Variants in CARMIL1 observed in about 807,000 individuals in gnomAD.
CARMIL1 encodes the protein F-actin-uncapping protein LRRC16A.
A neutral mutation model predicts 177.1 loss-of-function variants in CARMIL1; 90 were observed. The observed-to-expected ratio is 0.51, with a 90% CI of 0.43 to 0.61. The LOEUF (loss-of-function observed/expected upper bound fraction) is 0.61, where lower values mean the gene tolerates loss of function less well. Among genes scored for constraint, CARMIL1 ranks in the 20% least tolerant of loss-of-function variants. The probability of loss-of-function intolerance (pLI) is 0.00; values close to 1 mark genes in which losing one functional copy is unlikely to be tolerated. For missense variants in CARMIL1, 1,380 were observed against 1,667.0 expected (o/e 0.83, Z 3.00); for synonymous variants, 577 against 606.2 (o/e 0.95, Z 0.71).
At chr6:25,514,636 T>G (rs980260094) in intron 20 of CARMIL1, among the ~76,000 whole-genome samples, 6 of 151,058 alleles carry the variant, frequency 4.0e-5, no homozygotes, top group African/African-American at 1.2e-4. Flanking sequence ...ACAGATAAAG[T>G]TAAGGCTGAG....
At chr6:25,280,689 G>A (rs1303233927) in intron 1 of CARMIL1, among the ~76,000 whole-genome samples, 1 of 151,934 alleles carries the variant, frequency 6.6e-6, no homozygotes, top group Non-Finnish European at 1.5e-5. Context: ...TAGGATGGGA[G>A]AGTGTTCTGA....
chr6:25,309,345 A>G (rs1158539036), intron 2 of CARMIL1, among the ~76,000 whole-genome samples: 1 of 129,714 alleles, frequency 7.7e-6, no homozygotes, highest in Non-Finnish European at 1.6e-5. Context: ...ACAGAGCAAG[A>G]GTCCCTCTCA....
chr6:25,606,164 G>T lies in CARMIL1; in HGVS notation c.3738G>T (p.Arg1246=), dbSNP rs777382521. ...AAGCGGAAGCAGGCTCCAGGTCTCG[G>T]AGCTCATCCAGCACACCTACGAGCC... The part of the protein sequence containing the change: ...EPKAEAGSRS[R]SSSSTPTSPK... Residue 1246 remains arginine (R), a synonymous_variant, in exon 35 of 37, where the codon CGG becomes CGT. Coordinates refer to ENST00000329474, the MANE Select transcript of CARMIL1 (RefSeq NM_017640.6). 8.8e-5 allele frequency: 142 copies of T among 1,613,838 alleles called. 2 individuals carry two copies. The South Asian group carries it at 1.5e-3, about 17-fold the overall frequency.
At chr6:25,581,545 T>A in intron 31 of CARMIL1, 106 bp downstream of exon 31, 1 of 1,011,974 alleles carries the variant, frequency 9.9e-7, no homozygotes, top group Admixed American at 2.9e-5. Context: ...AAAGCTATGG[T>A]TAAGGAGACT....
chr6:25,390,312 A>T (rs201221848), intron 2 of CARMIL1, among the ~76,000 whole-genome samples: 477 of 38,738 alleles, frequency 0.012, 4 homozygotes, highest in East Asian at 0.031. Context: ...ATATATATAT[A>T]TATATATATT....
At chr6:25,545,051 T>C (rs1809319762) in intron 26 of CARMIL1, among the ~76,000 whole-genome samples, 1 of 152,200 alleles carries the variant, frequency 6.6e-6, no homozygotes, top group Non-Finnish European at 1.5e-5. Flanking sequence ...GCCTCCCTTA[T>C]TGGACAGCTC....
At chr6:25,619,361 C>T in intron 36 of CARMIL1, 86 bp from the exon 37 acceptor site, 3 of 1,400,516 alleles carry the variant, frequency 2.1e-6, no homozygotes, top group Middle Eastern at 1.9e-4. Flanking sequence ...CCCAAACCTT[C>T]AAGGCTACTG....
intron 2 of CARMIL1, among the ~76,000 whole-genome samples, chr6:25,385,347 G>A (rs138754831): frequency 1.4e-3 from 208 of 152,270 alleles, no homozygotes; most frequent in Non-Finnish European, 1.7e-3. Flanking sequence ...AACGGGATTC[G>A]AACAGTTGAG....
intron 12 of CARMIL1, among the ~76,000 whole-genome samples, chr6:25,485,415 T>TA (rs1802537336): frequency 6.6e-6 from 1 of 152,236 alleles, no homozygotes; most frequent in South Asian, 2.1e-4. Flanking sequence ...GAAGAATTTT[T>TA]ATCTTATTTT....
chr6:25,398,191 TA>T (rs1793592040), intron 2 of CARMIL1, among the ~76,000 whole-genome samples: 1 of 152,206 alleles, frequency 6.6e-6, no homozygotes, highest in African/African-American at 2.4e-5. Context: ...TGGAATTTTT[TA>T]CTTCCTATAG....
intron 8 of CARMIL1, among the ~76,000 whole-genome samples, chr6:25,455,824 G>A (rs1019951584): frequency 6.6e-6 from 1 of 152,198 alleles, no homozygotes; most frequent in Non-Finnish European, 1.5e-5. Flanking sequence ...TAATGTCACA[G>A]GTCTGAGAGG....
chr6:25,387,758 G>A (rs900766062), intron 2 of CARMIL1, among the ~76,000 whole-genome samples: 6 of 152,180 alleles, frequency 3.9e-5, no homozygotes, highest in African/African-American at 1.4e-4. Flanking sequence ...AGCTATACAT[G>A]TGGATGGTCA....
intron 2 of CARMIL1, among the ~76,000 whole-genome samples, chr6:25,323,190 T>C (rs1011094359): frequency 6.6e-6 from 1 of 151,868 alleles, no homozygotes. Flanking sequence ...TTTTACTTTT[T>C]AGTGACTTTT....
At chr6:25,618,274 T>C (rs1254891954) in intron 36 of CARMIL1, among the ~76,000 whole-genome samples, 1 of 151,806 alleles carries the variant, frequency 6.6e-6, no homozygotes, top group Non-Finnish European at 1.5e-5. Context: ...TTTTTTTTTT[T>C]AGCAGAATGC....
At chr6:25,282,305 A>G (rs551362007) in intron 1 of CARMIL1, among the ~76,000 whole-genome samples, 2 of 152,168 alleles carry the variant, frequency 1.3e-5, no homozygotes, top group South Asian at 4.1e-4. Context: ...CATTTCCCGC[A>G]ATTCTTTTTT....
intron 15 of CARMIL1, among the ~76,000 whole-genome samples, chr6:25,493,608 G>A (rs890501204): frequency 1.4e-4 from 21 of 152,066 alleles, no homozygotes; most frequent in African/African-American, 4.1e-4. Flanking sequence ...AGATCATGGC[G>A]GTGCACATAC....
rs760801071 is a variant in CARMIL1 at position 25,539,977 on chromosome 6, G to A, written c.2227G>A (p.Ala743Thr). 52 of 1,598,220 alleles carry A rather than the reference G, an allele frequency of 3.3e-5. No individual in the cohort carries two copies. Among genetic ancestry groups the A allele is most frequent in the Non-Finnish European group, 3.6e-5 (42 of 1,173,764 alleles). Residue 743 changes from alanine to threonine, a missense_variant, in exon 26 of 37, where the codon GCA becomes ACA. Ala to Thr is a moderately conservative substitution (Grantham distance 58, BLOSUM62 0). Coordinates refer to ENST00000329474, the MANE Select transcript of CARMIL1 (RefSeq NM_017640.6). ...ACCAAATTTATACCATGTTGGTGGT[G>A]CATCTTGGGCGGGAGCCAGTGGCTT... The part of the protein sequence containing the change: ...LLPNLYHVGG[A>T]SWAGASGLLS...
At chr6:25,403,786 A>G (rs1794097895) in intron 2 of CARMIL1, among the ~76,000 whole-genome samples, 1 of 152,212 alleles carries the variant, frequency 6.6e-6, no homozygotes, top group African/African-American at 2.4e-5. Context: ...CCAGGCATTA[A>G]GCACGCTCTA....
intron 8 of CARMIL1, among the ~76,000 whole-genome samples, chr6:25,451,505 C>A (rs1039569957): frequency 6.6e-6 from 1 of 152,074 alleles, no homozygotes; most frequent in South Asian, 2.1e-4. Flanking sequence ...GTCATGAAAC[C>A]TGTTACAAGT....
Sources: gnomAD v4.1 joint callset for allele counts (sites outside exome capture counted in the v4.1 genomes callset) on GRCh38, gnomAD v4.1.1 for gene constraint, MANE v1.5 for transcripts, NCBI Gene and HGNC (gene_info 2026-07-23, HGNC 2026-07-21) for gene names.